HUWE1: variants seen among roughly 807,000 people sequenced by gnomAD.
HUWE1 encodes HECT, UBA and WWE domain containing E3 ubiquitin protein ligase 1, also known as E3 ubiquitin-protein ligase HUWE1.
A neutral mutation model predicts 299.4 loss-of-function variants in HUWE1; 18 were observed. That is an observed-to-expected ratio of 0.06 (90% CI 0.04 to 0.09). The LOEUF is 0.09. Ranked by LOEUF, HUWE1 falls within the 10% of genes least tolerant of loss-of-function variation. The pLI is 1.00. For missense variants in HUWE1, 1,832 were observed against 3,462.3 expected (o/e 0.53, Z 11.82); for synonymous variants, 1,317 against 1,286.1 (o/e 1.02, Z -0.51).
chrX:53,558,552 AACGTTCTAGG>A, intron 59 of HUWE1, 93 bp downstream of exon 59: 1 of 839,097 alleles, frequency 1.2e-6, no homozygotes. Context: ...GTTCAACGTG[AACGTTCTAGG>A]ATTCTTCAGT....
At chrX:53,546,349 C>A in intron 70 of HUWE1, 87 bp downstream of exon 70, 1 of 891,620 alleles carries the variant, frequency 1.1e-6, no homozygotes, top group Non-Finnish European at 1.6e-6. Flanking sequence ...TCTGATTCAG[C>A]TTGGGGATTC....
chrX:53,594,387 C>G, intron 31 of HUWE1, 112 bp downstream of exon 31: 1 of 815,541 alleles, frequency 1.2e-6, no homozygotes, highest in Non-Finnish European at 1.8e-6. Context: ...ATAGCTATTT[C>G]TATATATCCC....
chrX:53,648,479 C>A (rs2068216731), intron 4 of HUWE1, among the ~76,000 whole-genome samples, 169 bp from the exon 5 acceptor site: 1 of 107,164 alleles, frequency 9.3e-6, no homozygotes. Flanking sequence ...AAATGGAAAC[C>A]TCATGAGAAA....
At chrX:53,624,454 G>A (rs782155447) in intron 19 of HUWE1, 141 bp downstream of exon 19, 177 of 509,350 alleles carry the variant, frequency 3.5e-4, no homozygotes, top group South Asian at 2.8e-3. Flanking sequence ...CCAAGATTGC[G>A]CCACTACACT....
intron 30 of HUWE1, 108 bp from the exon 31 acceptor site, chrX:53,594,729 C>A (rs1556983267): frequency 4.0e-6 from 3 of 757,178 alleles, no homozygotes; most frequent in East Asian, 6.9e-5. Context: ...TGAAGTGACA[C>A]CTCCCACCTA....
In HUWE1 at chrX:53,550,950, C is replaced by G. The variant is rs781848463; in HGVS notation, c.9336G>C (p.Leu3112=). The change falls in exon 65 of 84, where the codon CTG becomes CTC. Residue 3112 remains leucine (L), a synonymous_variant. Coordinates refer to ENST00000262854, the MANE Select transcript of HUWE1 (RefSeq NM_031407.7). ...ARQRQLMHER[L]FGHSSTSALS... The stretch of plus-strand genomic sequence containing the variant: ...GTGCGGAGGTGCTACTGTGCCCAAA[C>G]AGACGCTCATGCATGAGCTGTCGCT... 5 of 1,210,142 alleles carry G rather than the reference C, an allele frequency of 4.1e-6. No individual in the cohort carries two copies. Among genetic ancestry groups the G allele is most frequent in the Non-Finnish European group, 5.6e-6 (5 of 895,254 alleles).
At chrX:53,645,736 A>AAAAAT (rs2067967606) in intron 6 of HUWE1, among the ~76,000 whole-genome samples, 3 of 26,130 alleles carry the variant, frequency 1.1e-4, no homozygotes, top group African/African-American at 4.5e-4. Context: ...AAAAAAAAAA[A>AAAAAT]ATATATATAT....
intron 78 of HUWE1, 139 bp downstream of exon 78, chrX:53,537,417 T>C: frequency 2.9e-6 from 2 of 685,623 alleles, no homozygotes; most frequent in Non-Finnish European, 4.5e-6. Flanking sequence ...AGTAAGATTA[T>C]CTAAAACCAG....
At chrX:53,646,273 G>A (rs782326729) in intron 6 of HUWE1, among the ~76,000 whole-genome samples, 12 of 109,827 alleles carry the variant, frequency 1.1e-4, no homozygotes, top group Admixed American at 9.7e-4. Flanking sequence ...TCCTCTCACC[G>A]AAGTCTCCCG....
At chrX:53,537,721 G>T (rs201683854) in intron 77 of HUWE1, 25 bp from the exon 78 acceptor site, 1 of 1,201,325 alleles carries the variant, frequency 8.3e-7, no homozygotes, top group Non-Finnish European at 1.1e-6. Context: ...AAGGAAGGAA[G>T]ATAGGATTAA....
chrX:53,578,737 C>T (rs2063378570), intron 43 of HUWE1, among the ~76,000 whole-genome samples: 1 of 71,828 alleles, frequency 1.4e-5, no homozygotes, highest in African/African-American at 5.4e-5. Flanking sequence ...GGCGCCTCTG[C>T]CCGGCCGCCC....
At chrX:53,637,631 G>T (rs1569504664) in intron 7 of HUWE1, among the ~76,000 whole-genome samples, 2 of 112,336 alleles carry the variant, frequency 1.8e-5, no homozygotes, top group Non-Finnish European at 3.8e-5. Flanking sequence ...CCTTTAATTA[G>T]AAAGTTTTGG....
chrX:53,585,621 C>T (rs2063819348), intron 39 of HUWE1, among the ~76,000 whole-genome samples: 3 of 112,277 alleles, frequency 2.7e-5, no homozygotes, highest in African/African-American at 9.7e-5. Flanking sequence ...AAGGCTGTCA[C>T]CAGATGTGGT....
chrX:53,584,888 T>C, intron 40 of HUWE1, 124 bp downstream of exon 40: 1 of 756,343 alleles, frequency 1.3e-6, no homozygotes, highest in Middle Eastern at 4.4e-4. Context: ...CGATATTTGA[T>C]AAGCTAAAAA....
At chrX:53,575,914 A>G (rs2063080860) in intron 44 of HUWE1, 126 bp from the exon 45 acceptor site, 1 of 681,991 alleles carries the variant, frequency 1.5e-6, no homozygotes, top group African/African-American at 2.2e-5. Flanking sequence ...ACATGGTGCT[A>G]TTACAGATAA....
At chrX:53,611,594 C>T (rs1479940584) in intron 23 of HUWE1, among the ~76,000 whole-genome samples, 2 of 111,396 alleles carry the variant, frequency 1.8e-5, no homozygotes, top group Non-Finnish European at 3.8e-5. Context: ...TGGCCAGGTG[C>T]GGCGGTGCAC....
intron 3 of HUWE1, among the ~76,000 whole-genome samples, chrX:53,670,566 T>G (rs781963156): frequency 9.9e-5 from 11 of 111,664 alleles, no homozygotes; most frequent in Non-Finnish European, 3.8e-5. Flanking sequence ...AGATCTGAAT[T>G]CACCCATAAA....
intron 74 of HUWE1, among the ~76,000 whole-genome samples, chrX:53,541,211 TCC>T (rs1168520141): frequency 8.9e-6 from 1 of 112,041 alleles, no homozygotes; most frequent in Non-Finnish European, 1.9e-5. Flanking sequence ...AACTGAACAT[TCC>T]TATTTTAAAC....
At chrX:53,605,508 C>T (rs181079060) in intron 25 of HUWE1, among the ~76,000 whole-genome samples, 20 of 112,286 alleles carry the variant, frequency 1.8e-4, no homozygotes, top group African/African-American at 6.1e-4. Context: ...AATGAAGTCA[C>T]GTCACAATTA....
Sources: gnomAD v4.1 joint callset for allele counts (sites outside exome capture counted in the v4.1 genomes callset) on GRCh38, gnomAD v4.1.1 for gene constraint, MANE v1.5 for transcripts, NCBI Gene and HGNC (gene_info 2026-07-23, HGNC 2026-07-21) for gene names.